The following SCMH1 variants were observed in gnomAD, a reference collection of about 807,000 sequenced individuals.
SCMH1 encodes polycomb protein SCMH1.
SCMH1 carries 37 observed loss-of-function variants against 70.8 expected under a neutral mutation model. That is an observed-to-expected ratio of 0.52 (90% confidence interval 0.40 to 0.69). The LOEUF (loss-of-function observed/expected upper bound fraction) is 0.69, where lower values mean the gene tolerates loss of function less well. Ranked by LOEUF, SCMH1 falls within the 30% of genes least tolerant of loss-of-function variation. The pLI, the probability that SCMH1 is intolerant of heterozygous loss-of-function variation, is 0.00. For missense variants in SCMH1, 607 were observed against 827.3 expected, an observed-to-expected ratio of 0.73 and a Z score of 3.27; for synonymous variants, 292 against 307.4, an observed-to-expected ratio of 0.95 and a Z score of 0.52.
At chr1:41,130,354 G>C (rs953664241) in intron 6 of SCMH1, among the ~76,000 whole-genome samples, 2 of 151,820 alleles carry the variant, frequency 1.3e-5, no homozygotes, top group African/African-American at 4.8e-5. Flanking sequence ...TGTCAATAGT[G>C]TCCTTTGATG....
chr1:41,142,155 T>C (rs1474218277), intron 6 of SCMH1, among the ~76,000 whole-genome samples: 1 of 152,108 alleles, frequency 6.6e-6, no homozygotes, highest in African/African-American at 2.4e-5. Flanking sequence ...GGGAAAACGT[T>C]AAATAAGTAC....
intron 10 of SCMH1, among the ~76,000 whole-genome samples, chr1:41,064,810 C>A (rs1654013721): frequency 6.6e-6 from 1 of 151,674 alleles, no homozygotes; most frequent in Non-Finnish European, 1.5e-5. Flanking sequence ...TTCTAGCTAC[C>A]CAGTTGAGGC....
At chr1:41,048,829 C>G (rs2148700362) in exon 11 of SCMH1, 1 of 1,614,214 alleles carries the variant, frequency 6.2e-7, no homozygotes, top group African/African-American at 1.3e-5. Context: ...CAGGGAGTTG[C>G]TGGACCTTCT....
At chr1:41,159,152 G>T (rs1046050498) in intron 4 of SCMH1, among the ~76,000 whole-genome samples, 30 of 152,104 alleles carry the variant, frequency 2.0e-4, no homozygotes, top group Admixed American at 1.4e-3. Context: ...ATTTCAGTTT[G>T]CTATTTGGAG....
Position 41,181,392 on chromosome 1 carries a change from A to C in SCMH1, c.13+4729T>G, listed in dbSNP as rs1648720514. Among the ~76,000 whole-genome samples, 5 of 152,214 alleles carry C rather than the reference A, an allele frequency of 3.3e-5. No homozygotes were observed. In the South Asian group the frequency reaches 1.0e-3, roughly 32 times the overall value. On this transcript the variant is annotated intron_variant, in intron 2 of 14. Transcript: ENST00000337495. Reference sequence around the variant, plus strand: ...GAGCTTCTGCACAGCAAAAGAAACTACCATCAGAGTGAACAGGCAACCTAC... The same window carrying C: ...GAGCTTCTGCACAGCAAAAGAAACTCCCATCAGAGTGAACAGGCAACCTAC...
At chr1:41,104,392 T>A (rs1323688284) in intron 8 of SCMH1, among the ~76,000 whole-genome samples, 1 of 152,218 alleles carries the variant, frequency 6.6e-6, no homozygotes, top group African/African-American at 2.4e-5. Flanking sequence ...GGGCAAGGTC[T>A]GGACACAATA....
At chr1:41,201,798 A>C (rs10749797) in intron 1 of SCMH1, among the ~76,000 whole-genome samples, 677 of 151,968 alleles carry the variant, frequency 4.5e-3, no homozygotes, top group Non-Finnish European at 7.7e-3. Context: ...TGATTTTTTT[A>C]AAAAAAATTA....
At chr1:41,041,071 G>T (rs1408383119) in intron 12 of SCMH1, among the ~76,000 whole-genome samples, 1 of 151,850 alleles carries the variant, frequency 6.6e-6, no homozygotes, top group East Asian at 1.9e-4. Context: ...CCACTTCCAA[G>T]ATACAAAGAT....
At chr1:41,207,017 C>T (rs373784628) in intron 1 of SCMH1, among the ~76,000 whole-genome samples, 1 of 152,198 alleles carries the variant, frequency 6.6e-6, no homozygotes. Context: ...ACCAGGCCTG[C>T]CTTACAAGAG....
At chr1:41,085,655 T>C (rs1661398864) in intron 8 of SCMH1, among the ~76,000 whole-genome samples, 1 of 152,184 alleles carries the variant, frequency 6.6e-6, no homozygotes, top group African/African-American at 2.4e-5. Context: ...TCCTGAGCAC[T>C]TGCAATGTGA....
exon 9 of SCMH1, chr1:41,075,379 T>C: frequency 6.2e-7 from 1 of 1,614,084 alleles, no homozygotes; most frequent in Non-Finnish European, 8.5e-7. Context: ...CAAGACAGTT[T>C]TGGTGCTGCT....
chr1:41,180,624 G>T (rs1467140495), intron 2 of SCMH1, among the ~76,000 whole-genome samples: 1 of 152,084 alleles, frequency 6.6e-6, no homozygotes, highest in Non-Finnish European at 1.5e-5. Context: ...AAAATACCTA[G>T]GAATCCAACT....
intron 10 of SCMH1, among the ~76,000 whole-genome samples, chr1:41,055,847 G>T (rs1346110979): frequency 1.3e-5 from 2 of 152,200 alleles, no homozygotes; most frequent in African/African-American, 4.8e-5. Context: ...GAGGCCTCGT[G>T]TACTGGGACC....
intron 6 of SCMH1, among the ~76,000 whole-genome samples, chr1:41,138,758 T>G (rs1643754186): frequency 6.6e-6 from 1 of 152,228 alleles, no homozygotes; most frequent in South Asian, 2.1e-4. Flanking sequence ...CAAGTTGAGT[T>G]GCTGTGCAAC....
At chr1:41,073,657 T>C (rs1657282767) in intron 9 of SCMH1, among the ~76,000 whole-genome samples, 1 of 151,188 alleles carries the variant, frequency 6.6e-6, no homozygotes, top group Non-Finnish European at 1.5e-5. Flanking sequence ...CATCCATCCA[T>C]CCTTCCATCC....
intron 12 of SCMH1, 112 bp from the exon 13 acceptor site, chr1:41,037,653 G>T: frequency 4.5e-6 from 4 of 887,662 alleles, no homozygotes; most frequent in Non-Finnish European, 7.1e-6. Flanking sequence ...CCTGGGCAGG[G>T]ACTCAGGAGG....
At chr1:41,102,961 T>A (rs890117521) in intron 8 of SCMH1, among the ~76,000 whole-genome samples, 1 of 152,004 alleles carries the variant, frequency 6.6e-6, no homozygotes, top group African/African-American at 2.4e-5. Flanking sequence ...CCTCAGAACC[T>A]CCTCTTTTTT....
At chr1:41,183,747 A>G (rs1649433715) in intron 2 of SCMH1, among the ~76,000 whole-genome samples, 1 of 152,260 alleles carries the variant, frequency 6.6e-6, no homozygotes, top group Admixed American at 6.5e-5. Context: ...ATGCACATTC[A>G]TCAAAACAAC....
chr1:41,119,589 T>C (rs1671418999), intron 6 of SCMH1, among the ~76,000 whole-genome samples: 1 of 152,178 alleles, frequency 6.6e-6, no homozygotes, highest in African/African-American at 2.4e-5. Flanking sequence ...AGAGTGTATA[T>C]GTGTCTATGT....
Sources: allele counts gnomAD v4.1 joint callset (sites outside exome capture counted in the v4.1 genomes callset), GRCh38; gene constraint gnomAD v4.1.1; transcripts MANE v1.5; gene names NCBI Gene and HGNC (gene_info 2026-07-23, HGNC 2026-07-21).